The following FTO variants were observed in gnomAD, a reference collection of about 807,000 sequenced individuals.
The protein encoded by FTO is FTO alpha-ketoglutarate dependent dioxygenase, also known as alpha-ketoglutarate-dependent dioxygenase FTO.
A neutral mutation model predicts 63.9 loss-of-function variants in FTO; 47 were observed. That is an observed-to-expected ratio of 0.74 (90% CI 0.58 to 0.94). The LOEUF (loss-of-function observed/expected upper bound fraction) is 0.94, where lower values mean the gene tolerates loss of function less well. FTO is among the 40% of genes least tolerant of loss of function. The probability of loss-of-function intolerance (pLI) is 0.00; values close to 1 mark genes in which losing one functional copy is unlikely to be tolerated. For synonymous variants in FTO, 207 were observed against 224.4 expected, an observed-to-expected ratio of 0.92 and a Z score of 0.69; for missense variants, 562 against 618.1, an observed-to-expected ratio of 0.91 and a Z score of 0.96.
chr16:53,709,635 T>G (rs887544322), intron 1 of FTO, among the ~76,000 whole-genome samples: 1 of 152,172 alleles, frequency 6.6e-6, no homozygotes, highest in Non-Finnish European at 1.5e-5. Context: ...ATGTTATAAT[T>G]TATTATTTTG....
chr16:53,716,506 T>TA (rs2151477650), intron 1 of FTO, among the ~76,000 whole-genome samples: 1 of 152,234 alleles, frequency 6.6e-6, no homozygotes, highest in Non-Finnish European at 1.5e-5. Context: ...TCTTCATCTG[T>TA]AAAATGGGGA....
chr16:53,910,646 C>T (rs2081665614), intron 7 of FTO, among the ~76,000 whole-genome samples: 1 of 152,186 alleles, frequency 6.6e-6, no homozygotes, highest in African/African-American at 2.4e-5. Flanking sequence ...AAGTAATCCT[C>T]CTGCCTCAGC....
intron 8 of FTO, among the ~76,000 whole-genome samples, chr16:54,029,810 A>C (rs1455613046): frequency 2.0e-5 from 3 of 152,176 alleles, no homozygotes; most frequent in Non-Finnish European, 4.4e-5. Flanking sequence ...AGACTTCCTC[A>C]GTTCATCCCA....
At chr16:53,832,225 C>T (rs1384990945) in intron 3 of FTO, among the ~76,000 whole-genome samples, 1 of 152,150 alleles carries the variant, frequency 6.6e-6, no homozygotes, top group African/African-American at 2.4e-5. Context: ...TACATTTTCT[C>T]CCCTCTGTGA....
At chr16:54,036,712 T>C (rs1311068576) in intron 8 of FTO, among the ~76,000 whole-genome samples, 1 of 152,248 alleles carries the variant, frequency 6.6e-6, no homozygotes, top group East Asian at 1.9e-4. Flanking sequence ...TATAAGCTCA[T>C]TGCCTCAGTT....
chr16:53,851,219 G>A (rs533270444), intron 4 of FTO, among the ~76,000 whole-genome samples: 15 of 150,990 alleles, frequency 9.9e-5, no homozygotes, highest in South Asian at 2.1e-4. Context: ...AGGCCAAGGC[G>A]GACGGATCTC....
At chr16:53,749,828 A>C (rs2151566251) in intron 1 of FTO, among the ~76,000 whole-genome samples, 1 of 152,182 alleles carries the variant, frequency 6.6e-6, no homozygotes, top group East Asian at 1.9e-4. Flanking sequence ...TTTTATACCT[A>C]AGGTATTGAG....
At chr16:53,902,002 G>T (rs1169021479) in intron 7 of FTO, among the ~76,000 whole-genome samples, 1 of 152,114 alleles carries the variant, frequency 6.6e-6, no homozygotes, top group Non-Finnish European at 1.5e-5. Context: ...TTTTACCAAA[G>T]AAACTGAAGA....
intron 8 of FTO, among the ~76,000 whole-genome samples, chr16:53,942,891 G>A (rs1191353718): frequency 6.6e-6 from 1 of 152,178 alleles, no homozygotes; most frequent in East Asian, 1.9e-4. Context: ...AGAAGTTGTG[G>A]CATCTGTAGT....
At chr16:54,015,329 A>G (rs1349861480) in intron 8 of FTO, among the ~76,000 whole-genome samples, 1 of 152,188 alleles carries the variant, frequency 6.6e-6, no homozygotes, top group African/African-American at 2.4e-5. Context: ...CTTCACTCCT[A>G]AGTGTGCGTC....
At chr16:54,046,028 C>A (rs1452249457) in intron 8 of FTO, among the ~76,000 whole-genome samples, 4 of 76,004 alleles carry the variant, frequency 5.3e-5, no homozygotes, top group African/African-American at 1.2e-4. Flanking sequence ...AAACTGGAAG[C>A]ATTCCCTTTG....
At chr16:53,730,187 A>G (rs1295278811) in intron 1 of FTO, among the ~76,000 whole-genome samples, 2 of 152,186 alleles carry the variant, frequency 1.3e-5, no homozygotes, top group African/African-American at 2.4e-5. Flanking sequence ...TTAAATAAAT[A>G]TCATATTGAA....
intron 8 of FTO, among the ~76,000 whole-genome samples, chr16:54,079,792 A>G (rs1236749259): frequency 1.3e-5 from 2 of 152,226 alleles, no homozygotes; most frequent in Non-Finnish European, 2.9e-5. Context: ...GTCATGGCAG[A>G]GTATTGGCCC....
At chr16:53,741,169 T>C (rs2076520310) in intron 1 of FTO, among the ~76,000 whole-genome samples, 1 of 152,252 alleles carries the variant, frequency 6.6e-6, no homozygotes, top group African/African-American at 2.4e-5. Flanking sequence ...ACTGCTTTCA[T>C]GCTAAAATGG....
At chr16:53,825,226 GAA>G (rs1326290336) in intron 2 of FTO, among the ~76,000 whole-genome samples, 1 of 152,118 alleles carries the variant, frequency 6.6e-6, no homozygotes, top group East Asian at 1.9e-4. Flanking sequence ...CTCTTTTTGT[GAA>G]AGTGTTAAGC....
intron 7 of FTO, among the ~76,000 whole-genome samples, chr16:53,890,881 A>T (rs559740977): frequency 6.6e-6 from 1 of 152,240 alleles, no homozygotes; most frequent in African/African-American, 2.4e-5. Flanking sequence ...ATGAGTTAGA[A>T]CCTCTTAACT....
At chr16:53,795,691 C>G (rs1376267595) in intron 1 of FTO, among the ~76,000 whole-genome samples, 1 of 152,128 alleles carries the variant, frequency 6.6e-6, no homozygotes, top group Non-Finnish European at 1.5e-5. Flanking sequence ...GTAGTATCAT[C>G]ATGTTGACGT....
At chr16:53,885,828 A>T (rs1314621215) in intron 6 of FTO, among the ~76,000 whole-genome samples, 1 of 152,156 alleles carries the variant, frequency 6.6e-6, no homozygotes, top group Non-Finnish European at 1.5e-5. Flanking sequence ...GGCTCACTGC[A>T]GCCTGGACCT....
At chr16:53,890,890 C>CT (rs1428247924) in intron 7 of FTO, among the ~76,000 whole-genome samples, 2 of 152,218 alleles carry the variant, frequency 1.3e-5, no homozygotes, top group African/African-American at 4.8e-5. Context: ...AACCTCTTAA[C>CT]TTGATGAACC....
Sources: allele counts gnomAD v4.1 joint callset (sites outside exome capture counted in the v4.1 genomes callset), GRCh38; gene constraint gnomAD v4.1.1; transcripts MANE v1.5; gene names NCBI Gene and HGNC (gene_info 2026-07-23, HGNC 2026-07-21).